Variants in ADGRL3 observed in about 807,000 individuals in gnomAD.
ADGRL3 encodes calcium-independent alpha-latrotoxin receptor 3.
In ADGRL3, 62 loss-of-function variants were observed where a neutral mutation model predicts 153.5. That is an observed-to-expected ratio of 0.40 (90% CI 0.33 to 0.50). ADGRL3 has a LOEUF of 0.50. Among genes scored for constraint, ADGRL3 ranks in the 20% least tolerant of loss-of-function variants. ADGRL3 has a pLI of 0.47. For missense variants in ADGRL3, 1,641 were observed against 1,859.4 expected (o/e 0.88, Z 2.16); for synonymous variants, 710 against 672.5 (o/e 1.06, Z -0.86).
At chr4:61,420,537 G>A (rs1030347821) in intron 2 of ADGRL3, 9 of 150,726 alleles carry the variant, frequency 6.0e-5, no homozygotes, top group Non-Finnish European at 1.0e-4. Flanking sequence ...CTCCCGAGTA[G>A]CTGGGACCAC....
chr4:61,396,588 A>G (rs2096871281), intron 2 of ADGRL3, among the ~76,000 whole-genome samples: 1 of 151,952 alleles, frequency 6.6e-6, no homozygotes, highest in Admixed American at 6.6e-5. Flanking sequence ...ACCTCTAACA[A>G]CATATTTTAC....
intron 19 of ADGRL3, 143 bp from the exon 20 acceptor site, chr4:61,996,148 T>C (rs1581796784): frequency 4.9e-6 from 3 of 608,870 alleles, no homozygotes; most frequent in Non-Finnish European, 9.0e-6. Context: ...TAATTCAGCA[T>C]TTAAATGAAC....
At chr4:61,888,007 T>G in intron 9 of ADGRL3, among the ~76,000 whole-genome samples, 1 of 152,254 alleles carries the variant, frequency 6.6e-6, no homozygotes, top group South Asian at 2.1e-4. Context: ...GGAAAAAAAT[T>G]AAACAAATCA....
intron 9 of ADGRL3, among the ~76,000 whole-genome samples, chr4:61,891,608 A>G (rs2098586940): frequency 3.3e-5 from 5 of 152,222 alleles, no homozygotes; most frequent in Admixed American, 3.3e-4. Flanking sequence ...GGAGATGATG[A>G]TATTTTAAGG....
At chr4:61,553,557 T>C (rs918330344) in intron 4 of ADGRL3, among the ~76,000 whole-genome samples, 2 of 152,214 alleles carry the variant, frequency 1.3e-5, no homozygotes, top group Non-Finnish European at 2.9e-5. Context: ...CATTATTTAT[T>C]TTTATTTTAC....
chr4:61,596,043 T>C lies in ADGRL3; in HGVS notation c.473+8603T>C, dbSNP rs2098987833. 4.6e-5 allele frequency among the ~76,000 whole-genome samples: 7 copies of C among 152,020 alleles called. No homozygotes were observed. In the South Asian group the frequency reaches 1.0e-3, roughly 23 times the overall value. ...ACCACAGCCGGGGAATGGGGAGGGGTGTCAATGGTGATTCAAGACTGCCTC... is the reference window on the plus strand; with the variant it reads ...ACCACAGCCGGGGAATGGGGAGGGGCGTCAATGGTGATTCAAGACTGCCTC... On this transcript the variant is annotated intron_variant, in intron 5 of 26. Coordinates refer to ENST00000683033, the MANE Select transcript of ADGRL3 (RefSeq NM_001387552.1).
At chr4:61,511,133 T>C (rs2098461516) in intron 3 of ADGRL3, among the ~76,000 whole-genome samples, 1 of 152,124 alleles carries the variant, frequency 6.6e-6, no homozygotes, top group Non-Finnish European at 1.5e-5. Flanking sequence ...CAAGGTGGGC[T>C]GATCACTTGA....
chr4:61,500,501 GA>G (rs1288425113), intron 3 of ADGRL3, among the ~76,000 whole-genome samples: 1 of 152,162 alleles, frequency 6.6e-6, no homozygotes, highest in Non-Finnish European at 1.5e-5. Context: ...TGGCTTAAGA[GA>G]ATACTGCATA....
intron 14 of ADGRL3, 31 bp downstream of exon 14, chr4:61,935,054 G>A (rs746064520): frequency 1.3e-6 from 2 of 1,592,204 alleles, no homozygotes; most frequent in East Asian, 2.2e-5. Context: ...AGAAGGTCCA[G>A]ACACTCTTGT....
intron 2 of ADGRL3, among the ~76,000 whole-genome samples, chr4:61,461,155 G>T (rs2152582697): frequency 6.6e-6 from 1 of 152,206 alleles, no homozygotes; most frequent in East Asian, 1.9e-4. Flanking sequence ...CTGCCTACAT[G>T]ATTGAATTAT....
At chr4:61,730,704 G>A (rs968011401) in intron 7 of ADGRL3, 68 bp downstream of exon 7, 31 of 385,348 alleles carry the variant, frequency 8.0e-5, no homozygotes, top group Non-Finnish European at 1.4e-4. Flanking sequence ...TTAACATTTA[G>A]TTAAAATAAT....
At chr4:61,968,229 C>T (rs959925005) in intron 17 of ADGRL3, among the ~76,000 whole-genome samples, 5 of 152,076 alleles carry the variant, frequency 3.3e-5, no homozygotes, top group African/African-American at 1.2e-4. Flanking sequence ...CTTGACTGCC[C>T]TTTTCTGGTG....
chr4:61,443,415 A>T (rs1578885948), intron 2 of ADGRL3, among the ~76,000 whole-genome samples: 1 of 152,252 alleles, frequency 6.6e-6, no homozygotes, highest in Admixed American at 6.5e-5. Flanking sequence ...ATTATTACTA[A>T]TTGACTTTAA....
intron 1 of ADGRL3, among the ~76,000 whole-genome samples, chr4:61,354,486 G>T (rs1327482497): frequency 2.0e-5 from 3 of 151,934 alleles, no homozygotes; most frequent in East Asian, 1.9e-4. Context: ...AGGTTGTTTA[G>T]TTCGGAAATG....
At chr4:61,728,628 T>G (rs1580483927) in intron 6 of ADGRL3, among the ~76,000 whole-genome samples, 3 of 152,104 alleles carry the variant, frequency 2.0e-5, no homozygotes, top group Non-Finnish European at 2.9e-5. Flanking sequence ...CGAGCATTTT[T>G]GTATTTTAGA....
At chr4:61,867,363 G>A (rs534073039) in intron 9 of ADGRL3, among the ~76,000 whole-genome samples, 2 of 151,236 alleles carry the variant, frequency 1.3e-5, no homozygotes, top group South Asian at 2.1e-4. Context: ...GCCAGGAGTG[G>A]TGGGCTCATG....
At chr4:61,844,405 G>A (rs1339741735) in intron 9 of ADGRL3, among the ~76,000 whole-genome samples, 1 of 150,314 alleles carries the variant, frequency 6.7e-6, no homozygotes, top group Non-Finnish European at 1.5e-5. Flanking sequence ...AACTTAGCTA[G>A]GCATGGTGGT....
intron 17 of ADGRL3, among the ~76,000 whole-genome samples, chr4:61,976,176 AGTTT>A (rs2099047345): frequency 6.6e-6 from 1 of 152,206 alleles, no homozygotes; most frequent in South Asian, 2.1e-4. Flanking sequence ...AATGGTATAT[AGTTT>A]GTTTTATAGG....
intron 1 of ADGRL3, among the ~76,000 whole-genome samples, chr4:61,287,052 A>G (rs928540400): frequency 6.6e-6 from 1 of 151,844 alleles, no homozygotes; most frequent in African/African-American, 2.4e-5. Context: ...AACATCACCA[A>G]TAAATAAGGG....
Sources: gnomAD v4.1 joint callset for allele counts (sites outside exome capture counted in the v4.1 genomes callset) on GRCh38, gnomAD v4.1.1 for gene constraint, MANE v1.5 for transcripts, NCBI Gene and HGNC (gene_info 2026-07-23, HGNC 2026-07-21) for gene names.